CDH8: variants seen among roughly 807,000 people sequenced by gnomAD.
CDH8 encodes cadherin 8.
A neutral mutation model predicts 68.1 loss-of-function variants in CDH8; 17 were observed. The observed-to-expected ratio is 0.25, with a 90% CI of 0.17 to 0.37. The LOEUF (loss-of-function observed/expected upper bound fraction) is 0.37, where lower values mean the gene tolerates loss of function less well. Ranked by LOEUF, CDH8 falls within the 10% of genes least tolerant of loss-of-function variation. The pLI is 1.00. For synonymous variants in CDH8, 372 were observed against 365.1 expected (o/e 1.02, Z -0.21); for missense variants, 763 against 999.3 (o/e 0.76, Z 3.19).
At chr16:62,012,182 G>A (rs773947893) in intron 2 of CDH8, among the ~76,000 whole-genome samples, 5 of 152,216 alleles carry the variant, frequency 3.3e-5, no homozygotes, top group East Asian at 1.9e-4. Context: ...AAATAACATC[G>A]TTCCATAAAT....
intron 2 of CDH8, among the ~76,000 whole-genome samples, chr16:61,953,840 G>A (rs536271740): frequency 4.8e-5 from 7 of 146,874 alleles, no homozygotes; most frequent in Non-Finnish European, 7.4e-5. Context: ...TTGTGCCACT[G>A]TACTCCAGCC....
At chr16:61,736,509 C>T (rs1959690535) in intron 8 of CDH8, among the ~76,000 whole-genome samples, 1 of 152,082 alleles carries the variant, frequency 6.6e-6, no homozygotes. Context: ...TATATGAATG[C>T]CTCAGAAATC....
chr16:61,775,221 A>G (rs1960874329), intron 8 of CDH8, among the ~76,000 whole-genome samples: 1 of 152,144 alleles, frequency 6.6e-6, no homozygotes, highest in Non-Finnish European at 1.5e-5. Context: ...ATAAATAAAC[A>G]ATAAAATTAA....
rs796953783 is a variant in CDH8 at position 61,771,450 on chromosome 16, C to A, written c.1414+17896G>T. ...TATGCCTCACACACAAATCTAATGA[C>A]AAGCTGTATTTAAAAGCCAGCCAAA... On this transcript the variant is annotated intron_variant, in intron 8 of 11. Coordinates refer to ENST00000577390, the MANE Select transcript of CDH8 (RefSeq NM_001796.5). 8.2e-5 allele frequency among the ~76,000 whole-genome samples: 8 copies of A among 97,970 alleles called. No homozygotes were observed. In the South Asian group the frequency reaches 2.0e-3, roughly 25 times the overall value. 64.3% of individuals were successfully genotyped at this position (97,970 alleles called of 152,430 possible).
At chr16:61,862,287 C>T (rs979195303) in intron 3 of CDH8, among the ~76,000 whole-genome samples, 3 of 152,094 alleles carry the variant, frequency 2.0e-5, no homozygotes, top group African/African-American at 7.2e-5. Context: ...CAAAAGTGTA[C>T]TATGTAAAAG....
intron 6 of CDH8, among the ~76,000 whole-genome samples, chr16:61,818,530 C>T: frequency 6.6e-6 from 1 of 152,158 alleles, no homozygotes; most frequent in East Asian, 1.9e-4. Context: ...TGCACCATTA[C>T]TGACAATATT....
intron 10 of CDH8, among the ~76,000 whole-genome samples, chr16:61,662,551 C>A (rs1259106941): frequency 3.3e-5 from 5 of 151,610 alleles, no homozygotes; most frequent in African/African-American, 1.2e-4. Context: ...GAAGGATATG[C>A]TGACAAGATC....
At chr16:61,663,828 C>A (rs1309763053) in intron 10 of CDH8, among the ~76,000 whole-genome samples, 1 of 150,918 alleles carries the variant, frequency 6.6e-6, no homozygotes, top group Non-Finnish European at 1.5e-5. Context: ...AAAATTATAT[C>A]AAATAGAAAT....
rs1391043663 is a variant in CDH8 at position 61,651,948 on chromosome 16, T to C, written c.*1660A>G. 2.8e-6 allele frequency: 1 copy of C among 362,988 alleles called. No homozygotes were observed. Among genetic ancestry groups the C allele is most frequent in the Admixed American group, 6.5e-5 (1 of 15,476 alleles). The allele number at this position is 362,988 out of a possible 1,614,324, so 22.5% of individuals were successfully genotyped here. ...TGGTTGAGTATTCTAGAATTTTAGT[T>C]TGAGTTGATGATTCTGTTAATAGAT... On this transcript the variant is annotated 3_prime_UTR_variant, in exon 12 of 12. Transcript: ENST00000577390.
At chr16:61,752,242 A>G (rs1348022280) in intron 8 of CDH8, among the ~76,000 whole-genome samples, 2 of 152,182 alleles carry the variant, frequency 1.3e-5, no homozygotes, top group Non-Finnish European at 2.9e-5. Flanking sequence ...CAAGGGATGC[A>G]TATTCCAGGC....
At chr16:61,864,440 T>C (rs576308810) in intron 3 of CDH8, among the ~76,000 whole-genome samples, 1 of 152,128 alleles carries the variant, frequency 6.6e-6, no homozygotes, top group South Asian at 2.1e-4. Context: ...AGCTGAGAAA[T>C]AAGTGTATGC....
intron 10 of CDH8, among the ~76,000 whole-genome samples, chr16:61,689,425 C>T (rs1964174296): frequency 6.6e-6 from 1 of 151,932 alleles, no homozygotes; most frequent in African/African-American, 2.4e-5. Context: ...AACTCTACCC[C>T]AAACCCAACT....
At chr16:61,735,944 G>A (rs922563166) in intron 8 of CDH8, among the ~76,000 whole-genome samples, 12 of 151,840 alleles carry the variant, frequency 7.9e-5, no homozygotes, top group Admixed American at 6.6e-4. Flanking sequence ...ATGTTGGCAC[G>A]CACCTGTAGT....
At chr16:61,999,571 A>G (rs1965858735) in intron 2 of CDH8, among the ~76,000 whole-genome samples, 1 of 152,164 alleles carries the variant, frequency 6.6e-6, no homozygotes, top group African/African-American at 2.4e-5. Flanking sequence ...AGTTTCTTAC[A>G]ATGCAGTTAT....
At chr16:61,729,269 T>A (rs2142897345) in intron 8 of CDH8, among the ~76,000 whole-genome samples, 1 of 151,122 alleles carries the variant, frequency 6.6e-6, no homozygotes, top group East Asian at 1.9e-4. Flanking sequence ...TCCAAAAAAA[T>A]ACATATACAT....
intron 2 of CDH8, among the ~76,000 whole-genome samples, chr16:61,996,330 A>C (rs963117457): frequency 6.6e-6 from 1 of 152,196 alleles, no homozygotes; most frequent in Non-Finnish European, 1.5e-5. Flanking sequence ...AACTCTGCAC[A>C]TGGGGACAAA....
intron 8 of CDH8, among the ~76,000 whole-genome samples, chr16:61,737,200 T>C (rs1411317441): frequency 1.3e-5 from 2 of 152,166 alleles, no homozygotes; most frequent in Non-Finnish European, 2.9e-5. Context: ...AGCTGCTGTT[T>C]TTGCAGGCAT....
intron 7 of CDH8, among the ~76,000 whole-genome samples, chr16:61,798,168 A>G (rs1961540994): frequency 6.6e-6 from 1 of 152,216 alleles, no homozygotes; most frequent in Non-Finnish European, 1.5e-5. Context: ...AGAATTCTAA[A>G]TGTGATGATG....
At chr16:62,003,680 G>A (rs1965930088) in intron 2 of CDH8, among the ~76,000 whole-genome samples, 1 of 152,118 alleles carries the variant, frequency 6.6e-6, no homozygotes, top group Non-Finnish European at 1.5e-5. Flanking sequence ...GTTACTGAGG[G>A]TGGAGGTTCA....
Sources: allele counts gnomAD v4.1 joint callset (sites outside exome capture counted in the v4.1 genomes callset), GRCh38; gene constraint gnomAD v4.1.1; transcripts MANE v1.5; gene names NCBI Gene and HGNC (gene_info 2026-07-23, HGNC 2026-07-21).